Variants in ADCY5 observed in about 807,000 individuals in gnomAD.
ADCY5 encodes adenylate cyclase 5.
ADCY5 carries 30 observed loss-of-function variants against 119.7 expected under a neutral mutation model. That is an observed-to-expected ratio of 0.25 (90% CI 0.19 to 0.34). The LOEUF (loss-of-function observed/expected upper bound fraction) is 0.34. Ranked by LOEUF, ADCY5 falls within the 10% of genes least tolerant of loss-of-function variation. The pLI, the probability that ADCY5 is intolerant of heterozygous loss-of-function variation, is 1.00. For missense variants in ADCY5, 1,324 were observed against 1,775.2 expected (o/e 0.75, Z 4.57); for synonymous variants, 753 against 762.2 (o/e 0.99, Z 0.20).
At chr3:123,433,307 C>T (rs1945554645) in intron 1 of ADCY5, among the ~76,000 whole-genome samples, 1 of 152,152 alleles carries the variant, frequency 6.6e-6, no homozygotes, top group Admixed American at 6.5e-5. Flanking sequence ...AGAGCCAAGA[C>T]ACTTCCCAGC....
At chr3:123,308,608 T>C (rs537686589) in intron 12 of ADCY5, among the ~76,000 whole-genome samples, 19 of 151,930 alleles carry the variant, frequency 1.3e-4, no homozygotes, top group Non-Finnish European at 2.8e-4. Flanking sequence ...GGCAGGTGGA[T>C]CACGAGGTCA....
chr3:123,329,010 C>A (rs542047748), intron 5 of ADCY5, among the ~76,000 whole-genome samples: 1 of 152,306 alleles, frequency 6.6e-6, no homozygotes, highest in African/African-American at 2.4e-5. Flanking sequence ...CTGTTCCCGG[C>A]CTGGCCACAA....
At chr3:123,334,481 T>C (rs1183413584) in intron 3 of ADCY5, among the ~76,000 whole-genome samples, 1 of 152,244 alleles carries the variant, frequency 6.6e-6, no homozygotes, top group Non-Finnish European at 1.5e-5. Flanking sequence ...CTCACACCTG[T>C]AATCCCAGCA....
At chr3:123,388,721 G>A (rs1383492166) in intron 1 of ADCY5, among the ~76,000 whole-genome samples, 1 of 152,190 alleles carries the variant, frequency 6.6e-6, no homozygotes, top group Non-Finnish European at 1.5e-5. Flanking sequence ...AGACAAGAAT[G>A]GGAGTGGGGC....
chr3:123,398,011 A>G (rs1944651926), intron 1 of ADCY5, among the ~76,000 whole-genome samples: 1 of 152,208 alleles, frequency 6.6e-6, no homozygotes, highest in Non-Finnish European at 1.5e-5. Context: ...ACCTGACTGC[A>G]AGGCACTGAC....
Position 123,304,983 on chromosome 3 carries a change from C to T in ADCY5, c.2443-800G>A, listed in dbSNP as rs1940121301. Among the ~76,000 whole-genome samples, 9 of 152,200 alleles carry T rather than the reference C, an allele frequency of 5.9e-5. No homozygotes were observed. The South Asian group carries it at 1.9e-3, about 32-fold the overall frequency. On this transcript the variant is annotated intron_variant, in intron 12 of 20. Transcript: ENST00000462833. ...GAGGATCCAGGATGCCCTACCCCTA[C>T]CTGCCCCCAACACTTCCTGCTGAGG...
At chr3:123,392,024 G>C (rs1336060540) in intron 1 of ADCY5, among the ~76,000 whole-genome samples, 1 of 152,174 alleles carries the variant, frequency 6.6e-6, no homozygotes, top group Non-Finnish European at 1.5e-5. Context: ...AGAGTCAGCA[G>C]CTGCTGAAAG....
At chr3:123,383,094 C>A (rs902492070) in intron 1 of ADCY5, among the ~76,000 whole-genome samples, 6 of 152,082 alleles carry the variant, frequency 3.9e-5, no homozygotes, top group Non-Finnish European at 8.8e-5. Context: ...AACAGGTGAC[C>A]CCTGACCACC....
At chr3:123,406,184 C>T (rs1163622152) in intron 1 of ADCY5, among the ~76,000 whole-genome samples, 1 of 152,232 alleles carries the variant, frequency 6.6e-6, no homozygotes, top group Non-Finnish European at 1.5e-5. Context: ...CAACCAGAGA[C>T]AGCCTCTAGG....
intron 12 of ADCY5, among the ~76,000 whole-genome samples, chr3:123,309,022 C>T (rs1940391541): frequency 1.3e-5 from 2 of 152,270 alleles, no homozygotes; most frequent in Admixed American, 6.5e-5. Flanking sequence ...AAAATAAGTT[C>T]AGAACTAGTA....
intron 5 of ADCY5, 52 bp downstream of exon 5, chr3:123,330,837 G>A: frequency 6.5e-7 from 1 of 1,548,482 alleles, no homozygotes; most frequent in Non-Finnish European, 8.7e-7. Context: ...CAGTCGCTCG[G>A]GCTGTGGACA....
At chr3:123,330,005 C>T (rs1941681943) in intron 5 of ADCY5, among the ~76,000 whole-genome samples, 1 of 152,234 alleles carries the variant, frequency 6.6e-6, no homozygotes, top group African/African-American at 2.4e-5. Context: ...GGCCCTCCTT[C>T]AATAGTCTGC....
At chr3:123,378,957 AG>A (rs1345397297) in intron 1 of ADCY5, among the ~76,000 whole-genome samples, 1 of 152,202 alleles carries the variant, frequency 6.6e-6, no homozygotes, top group Non-Finnish European at 1.5e-5. Context: ...CTAGAGCCCC[AG>A]GGAAGATTCT....
Position 123,413,602 on chromosome 3 carries a change from G to A in ADCY5, c.1134+33810C>T, listed in dbSNP as rs188558935. 3.9e-4 allele frequency among the ~76,000 whole-genome samples: 59 copies of A among 152,336 alleles called. No homozygotes were observed. The East Asian group carries it at 0.011, about 28-fold the overall frequency. ...CAGAGCAGTGAGGCTCTCACCAGAG[G>A]GAGCAACCGATTAACAGCCTTTGGA... On this transcript the variant is annotated intron_variant, in intron 1 of 20. Coordinates refer to ENST00000462833, the MANE Select transcript of ADCY5 (RefSeq NM_183357.3).
At chr3:123,410,312 T>TC (rs1945012123) in intron 1 of ADCY5, among the ~76,000 whole-genome samples, 1 of 150,644 alleles carries the variant, frequency 6.6e-6, no homozygotes, top group South Asian at 2.1e-4. Context: ...CAGAGTTCCA[T>TC]CCCCCTCCTC....
chr3:123,291,076 C>T (rs1350087319), intron 18 of ADCY5, 37 bp downstream of exon 18: 1 of 1,583,036 alleles, frequency 6.3e-7, no homozygotes, highest in Non-Finnish European at 8.6e-7. Flanking sequence ...GTAGGCCCCT[C>T]CCAGGAACAC....
At position 123,284,272 on chromosome 3, in the gene ADCY5, C is replaced by G; in HGVS notation, c.*336G>C. The G allele has an allele frequency of 7.5e-6, 2 of 267,882 alleles. No homozygotes were observed. Among genetic ancestry groups the G allele is most frequent in the Admixed American group, 9.5e-5 (2 of 21,122 alleles). 16.6% of individuals were successfully genotyped at this position (267,882 alleles called of 1,614,324 possible). ...GGAGGCCCCTCAGCCCTGCCCTTGTCTGGGCCGTGCCACACACACATTCCC... is the reference window on the plus strand; with the variant it reads ...GGAGGCCCCTCAGCCCTGCCCTTGTGTGGGCCGTGCCACACACACATTCCC... On this transcript the variant is annotated 3_prime_UTR_variant, in exon 21 of 21. Transcript: ENST00000462833.
intron 12 of ADCY5, among the ~76,000 whole-genome samples, chr3:123,311,665 T>A (rs1213328428): frequency 6.6e-6 from 1 of 152,132 alleles, no homozygotes. Context: ...CTGGAGTCTA[T>A]TCAATGGATG....
In ADCY5 at chr3:123,365,678, G is replaced by C. The variant is rs1943412545; in HGVS notation, c.1135-13097C>G. Among the ~76,000 whole-genome samples, 6 of 152,332 alleles carry C rather than the reference G, an allele frequency of 3.9e-5. No homozygotes were observed. The South Asian group carries it at 1.2e-3, about 32-fold the overall frequency. ...AAATGCAAGAGTAGGAAAGTCAACAGAATCAGGTGTTGTGGAAGAGGCTGA... is the reference window on the plus strand; with the variant it reads ...AAATGCAAGAGTAGGAAAGTCAACACAATCAGGTGTTGTGGAAGAGGCTGA... On this transcript the variant is annotated intron_variant, in intron 1 of 20. Coordinates refer to ENST00000462833, the MANE Select transcript of ADCY5 (RefSeq NM_183357.3).
Sources: gnomAD v4.1 joint callset for allele counts (sites outside exome capture counted in the v4.1 genomes callset) on GRCh38, gnomAD v4.1.1 for gene constraint, MANE v1.5 for transcripts, NCBI Gene and HGNC (gene_info 2026-07-23, HGNC 2026-07-21) for gene names.